Variants in TAF1D observed in about 807,000 individuals in gnomAD.
TAF1D encodes the protein TATA box-binding protein-associated factor RNA polymerase I subunit D.
TAF1D carries 23 observed loss-of-function variants against 26.2 expected under a neutral mutation model. That is an observed-to-expected ratio of 0.88 (90% CI 0.63 to 1.25). TAF1D has a LOEUF of 1.25. Ranked by LOEUF, TAF1D falls within the 50% of genes most tolerant of loss-of-function variation. The probability of loss-of-function intolerance (pLI) is 0.00; values close to 1 mark genes in which losing one functional copy is unlikely to be tolerated. For missense variants in TAF1D, 299 were observed against 322.0 expected (o/e 0.93, Z 0.55); for synonymous variants, 100 against 105.6 (o/e 0.95, Z 0.33).
downstream of TAF1D, chr11:93,734,910 C>A (rs1940368106): frequency 5.1e-6 from 4 of 782,042 alleles, no homozygotes; most frequent in Admixed American, 3.7e-5. Flanking sequence ...ACTACAGGCA[C>A]ATGCCCCAGT....
rs1433951818 is a variant in TAF1D, at chr11:93,736,161, T to A, written c.837A>T (p.Ter279CysextTer8). Reference protein sequence around the residue: ...KNTGQRGLKM* With the variant: ...KNTGQRGLKMC ...TTCACCTTTGACATTCATGATCCTGTCACATTTTCAGGCCTCTCTGTCCAG... is the reference window on the plus strand; with the variant it reads ...TTCACCTTTGACATTCATGATCCTGACACATTTTCAGGCCTCTCTGTCCAG... Residue 279 changes from the stop codon to cysteine, a stop_lost, in exon 6 of 6, where the codon TGA (stop) becomes TGT (cysteine). Transcript: ENST00000448108. The A allele has an allele frequency of 1.2e-6, 2 of 1,613,420 alleles. No individual in the cohort carries two copies. The highest frequency in any genetic ancestry group is 1.7e-6 in the Non-Finnish European group (2 of 1,179,802).
intron 1 of TAF1D, among the ~76,000 whole-genome samples, chr11:93,739,978 A>G (rs1262391896): frequency 2.7e-5 from 4 of 150,646 alleles, no homozygotes; most frequent in African/African-American, 9.8e-5. Flanking sequence ...AAAAAAAAAA[A>G]AAAAGAAAAA....
downstream of TAF1D, chr11:93,731,849 A>C: frequency 2.8e-6 from 1 of 356,614 alleles, no homozygotes; most frequent in Non-Finnish European, 5.5e-6. Context: ...ACCTGATCCA[A>C]GACACAGTAA....
At chr11:93,735,367 TAA>T, downstream of TAF1D, 3 of 1,062,880 alleles carry the variant, frequency 2.8e-6, no homozygotes, top group Non-Finnish European at 3.5e-6. Flanking sequence ...CTTGAACTAA[TAA>T]AAAGTGAAAA....
At chr11:93,731,120 C>T (rs765363172), downstream of TAF1D, 1 of 498,022 alleles carries the variant, frequency 2.0e-6, no homozygotes, top group East Asian at 5.5e-5. Context: ...GAGCAAATAA[C>T]TTATAGTTAA....
chr11:93,734,600 T>C (rs1424603583), downstream of TAF1D: 5 of 579,924 alleles, frequency 8.6e-6, no homozygotes, highest in Non-Finnish European at 1.5e-5. Context: ...ACAAATATGA[T>C]GTGAAAACTC....
At chr11:93,732,056 C>A (rs747369014), downstream of TAF1D, 1 of 518,926 alleles carries the variant, frequency 1.9e-6, no homozygotes, top group Non-Finnish European at 3.8e-6. Context: ...GTGATGGAAG[C>A]ATAACCTGTC....
chr11:93,732,225 T>C (rs893196846), downstream of TAF1D: 22 of 480,318 alleles, frequency 4.6e-5, no homozygotes, highest in Non-Finnish European at 7.5e-5. Flanking sequence ...GCAGAATCAA[T>C]AGAAACAGAG....
At chr11:93,737,828 G>A (rs996200817) in intron 3 of TAF1D, among the ~76,000 whole-genome samples, 5 of 152,094 alleles carry the variant, frequency 3.3e-5, no homozygotes, top group African/African-American at 1.2e-4. Context: ...TGAGTTTTAG[G>A]GTTGTGTTTA....
chr11:93,738,491 G>C lies in TAF1D; in HGVS notation c.77C>G (p.Ser26Cys), dbSNP rs776095919. The change falls in exon 3 of 6, where the codon TCT (serine) becomes TGT (cysteine). Residue 26 changes from serine to cysteine, a missense_variant. Transcript: ENST00000448108. ...AGTTTTAAATAAGCTGCTATCAGAA[G>C]AGTTATCACTAGAAAAATGGGAAAA... is the stretch of plus-strand genomic sequence containing the variant. ...AVELANRSDN[S>C]SDSSLFKTQC... 6.4e-7 allele frequency: 1 copy of C among 1,566,436 alleles called. No homozygotes were observed. The highest frequency in any genetic ancestry group is 1.2e-5 in the South Asian group (1 of 83,476).
chr11:93,738,108 C>G lies in TAF1D; in HGVS notation c.459+1G>C. 1.9e-6 allele frequency: 3 copies of G among 1,549,296 alleles called. No individual in the cohort carries two copies. Among genetic ancestry groups the G allele is most frequent in the Non-Finnish European group, 2.6e-6 (3 of 1,157,140 alleles). On this transcript the variant is annotated splice_donor_variant, in intron 3 of 5. Coordinates refer to ENST00000448108, the MANE Select transcript of TAF1D (RefSeq NM_024116.4). LOFTEE classifies it high-confidence loss of function. Reference sequence around the variant, plus strand: ...GCCATGTATGTAAAATGCTGACTCACCTCAAACGTTAAAATTTTTCTCCAA... The same window carrying G: ...GCCATGTATGTAAAATGCTGACTCAGCTCAAACGTTAAAATTTTTCTCCAA...
In TAF1D at chr11:93,735,735, C is replaced by A; in HGVS notation, c.*426G>T. On this transcript the variant is annotated 3_prime_UTR_variant, in exon 6 of 6. Transcript: ENST00000448108. ...ATGAGGTTATTACAATACTAAGCAT[C>A]TGACAGGTCACTTGTCATGGCTGAA... 1 of 1,034,612 alleles carries A rather than the reference C, an allele frequency of 9.7e-7. No homozygotes were observed. The highest frequency in any genetic ancestry group is 1.2e-6 in the Non-Finnish European group (1 of 860,828). 64.1% of individuals were successfully genotyped at this position (1,034,612 alleles called of 1,614,324 possible).
rs144387179 is a variant in TAF1D at position 93,738,136 on chromosome 11, T to C, written c.432A>G (p.Ala144=). Reference sequence around the variant, plus strand: ...CAAACGTTAAAATTTTTCTCCAAGGTGCGTTTTTTTCATTCTCTGATTCTA... The same window carrying C: ...CAAACGTTAAAATTTTTCTCCAAGGCGCGTTTTTTTCATTCTCTGATTCTA... ...PFLESENEKN[A]PWRKILTFEQ... Residue 144 remains alanine, a synonymous_variant, in exon 3 of 6, where the codon GCA becomes GCG. Transcript: ENST00000448108. 1.5e-5 allele frequency: 24 copies of C among 1,562,904 alleles called. No individual in the cohort carries two copies. In the African/African-American group the frequency reaches 3.2e-4, roughly 21 times the overall value.
chr11:93,731,980 A>C (rs1221333750), downstream of TAF1D: 2 of 503,578 alleles, frequency 4.0e-6, no homozygotes, highest in Non-Finnish European at 7.9e-6. Context: ...TTTTTCTCCT[A>C]CATTTTTACT....
chr11:93,737,132 T>A lies in TAF1D; in HGVS notation c.567A>T (p.Glu189Asp). 1 of 1,612,390 alleles carries A rather than the reference T, an allele frequency of 6.2e-7. No individual in the cohort carries two copies. The highest frequency in any genetic ancestry group is 8.5e-7 in the Non-Finnish European group (1 of 1,179,254). ...QMNVGEDLEN[E>D]DFDSRRYKFL... ...ATTTGTATCTACGACTGTCAAAATC[T>A]TCATTTTCTAAATCTTCACCAACAT... Residue 189 changes from glutamate to aspartate, a missense_variant, in exon 4 of 6, where the codon GAA becomes GAT. Transcript: ENST00000448108.
chr11:93,740,426 G>A (rs1291508747), intron 1 of TAF1D, among the ~76,000 whole-genome samples: 1 of 92,444 alleles, frequency 1.1e-5, no homozygotes, highest in Non-Finnish European at 1.9e-5. Context: ...GCAAGACCCT[G>A]TCTCAGGAAA....
downstream of TAF1D, chr11:93,735,276 C>G (rs1355235033): frequency 4.6e-6 from 6 of 1,297,390 alleles, no homozygotes; most frequent in Non-Finnish European, 6.1e-6. Context: ...TCAGCTCTAT[C>G]GTGGTGATCA....
Position 93,738,203 on chromosome 11 carries a change from T to C in TAF1D, c.365A>G (p.Lys122Arg), listed in dbSNP as rs1208836908. 6.2e-7 allele frequency: 1 copy of C among 1,601,596 alleles called. No individual in the cohort carries two copies. The highest frequency in any genetic ancestry group is 1.8e-5 in the Admixed American group (1 of 57,092). ...RRNPIYSLID[K>R]KKQFRSRGSG... ...TCCTCTGCTTCTAAATTGTTTCTTC[T>C]TATCTATTAGTGAGTATATAGGATT... Residue 122 changes from lysine (K) to arginine (R), a missense_variant, in exon 3 of 6, where the codon AAG becomes AGG. Physicochemically the swap from Lys to Arg is conservative, Grantham distance 26 (BLOSUM62 2). Transcript: ENST00000448108.
intron 3 of TAF1D, 80 bp from the exon 4 acceptor site, chr11:93,737,319 G>GCC: frequency 1.0e-6 from 1 of 952,824 alleles, no homozygotes. Context: ...AAAGGGCAAT[G>GCC]CCCCCCCTTA....
Sources: gnomAD v4.1 joint callset for allele counts (sites outside exome capture counted in the v4.1 genomes callset) on GRCh38, gnomAD v4.1.1 for gene constraint, MANE v1.5 for transcripts, NCBI Gene and HGNC (gene_info 2026-07-23, HGNC 2026-07-21) for gene names.